ADGRB3: variants seen among roughly 807,000 people sequenced by gnomAD.
ADGRB3 encodes adhesion G protein-coupled receptor B3, also known as brain-specific angiogenesis inhibitor 3.
In ADGRB3, 37 loss-of-function variants were observed where a neutral mutation model predicts 193.4. The ratio of observed to expected loss-of-function variants is 0.19; its 90% CI spans 0.15 to 0.25. ADGRB3 has a LOEUF of 0.25. Ranked by LOEUF, ADGRB3 falls within the 10% of genes least tolerant of loss-of-function variation. The probability of loss-of-function intolerance (pLI) is 1.00; values close to 1 mark genes in which losing one functional copy is unlikely to be tolerated. For missense variants in ADGRB3, 1,637 were observed against 1,852.9 expected (o/e 0.88, Z 2.14); for synonymous variants, 690 against 644.2 (o/e 1.07, Z -1.08).
chr6:68,909,869 C>T (rs58011260), intron 3 of ADGRB3, among the ~76,000 whole-genome samples: 1,553 of 152,194 alleles, frequency 0.01, 26 homozygotes, highest in African/African-American at 0.036. Context: ...AATAAACATA[C>T]GTGTGCATGT....
rs1407243228 is a variant in ADGRB3 at position 68,734,880 on chromosome 6, T to C, written c.757+95448T>C. Among the ~76,000 whole-genome samples, 3 of 152,046 alleles carry C rather than the reference T, an allele frequency of 2.0e-5. No individual in the cohort carries two copies. In the South Asian group the frequency reaches 6.2e-4, roughly 31 times the overall value. On this transcript the variant is annotated intron_variant, in intron 3 of 31. Coordinates refer to ENST00000370598, the MANE Select transcript of ADGRB3 (RefSeq NM_001704.3). Reference sequence around the variant, plus strand: ...AGTAGGAGATCAGTTTGTGAGGTCATCTGAAAGGACCTCCTACTGAAAGAG... The same window carrying C: ...AGTAGGAGATCAGTTTGTGAGGTCACCTGAAAGGACCTCCTACTGAAAGAG...
At position 69,361,955 on chromosome 6, in the gene ADGRB3, A is replaced by G. The variant is rs190094808; in HGVS notation, c.4239+443A>G. On this transcript the variant is annotated intron_variant, in intron 29 of 31. Coordinates refer to ENST00000370598, the MANE Select transcript of ADGRB3 (RefSeq NM_001704.3). ...GATCTGCACTTTCTGTGTAACAGCAACTGTTAAAAATTACAAAATTGGAAT... is the reference window on the plus strand; with the variant it reads ...GATCTGCACTTTCTGTGTAACAGCAGCTGTTAAAAATTACAAAATTGGAAT... Among the ~76,000 whole-genome samples, 703 of 152,090 alleles carry G rather than the reference A, an allele frequency of 4.6e-3. 3 individuals carry two copies. The highest frequency in any genetic ancestry group is 6.3e-3 in the Non-Finnish European group (426 of 67,912).
intron 11 of ADGRB3, among the ~76,000 whole-genome samples, chr6:69,003,748 T>C (rs1313805504): frequency 6.6e-6 from 1 of 152,182 alleles, no homozygotes; most frequent in African/African-American, 2.4e-5. Context: ...GGGTGAAATA[T>C]GAAGCAATAG....
chr6:69,038,447 T>G (rs1418475535), intron 13 of ADGRB3, among the ~76,000 whole-genome samples: 1 of 152,146 alleles, frequency 6.6e-6, no homozygotes, highest in Non-Finnish European at 1.5e-5. Context: ...AATGCTGTTC[T>G]TAGTCTTACT....
intron 15 of ADGRB3, among the ~76,000 whole-genome samples, chr6:69,052,034 GCGCCCACCACCACGC>G (rs1029536261): frequency 4.6e-5 from 7 of 152,122 alleles, no homozygotes; most frequent in African/African-American, 7.2e-5. Context: ...GGGACTTCAG[GCGCCCACCACCACGC>G]CGGGCTAATT....
In ADGRB3 at chr6:69,361,515, G is replaced by A; in HGVS notation, c.4239+3G>A. ...CGATATCAATGAGTTCTTTAGAGGT[G>A]AGCCACAGAAGATTAAATTTTTCCT... is the stretch of plus-strand genomic sequence containing the variant. On this transcript the variant is annotated splice_donor_region_variant and intron_variant, in intron 29 of 31. Transcript: ENST00000370598. 3 of 1,604,690 alleles carry A rather than the reference G, an allele frequency of 1.9e-6. No individual in the cohort carries two copies. The highest frequency in any genetic ancestry group is 2.6e-6 in the Non-Finnish European group (3 of 1,174,514).
At chr6:68,877,052 C>T (rs577332242) in intron 3 of ADGRB3, among the ~76,000 whole-genome samples, 6 of 151,888 alleles carry the variant, frequency 4.0e-5, no homozygotes, top group African/African-American at 1.4e-4. Context: ...AGTTTTATTA[C>T]TAGTATTAGT....
chr6:68,883,300 TCAGCTCTCTGTAAAATGGACCAAC>T (rs1309726239), intron 3 of ADGRB3, among the ~76,000 whole-genome samples: 321 of 152,184 alleles, frequency 2.1e-3, no homozygotes, highest in African/African-American at 7.4e-3. Flanking sequence ...AATGGACCAA[TCAGCTCTCTGTAAAATGGACCAAC>T]CAGCTCTCTG....
intron 15 of ADGRB3, among the ~76,000 whole-genome samples, chr6:69,057,318 G>A (rs182846151): frequency 6.6e-6 from 1 of 152,024 alleles, no homozygotes; most frequent in African/African-American, 2.4e-5. Flanking sequence ...AATCTTTAGG[G>A]TTTACTACAT....
At chr6:68,846,841 G>C (rs1768286369) in intron 3 of ADGRB3, among the ~76,000 whole-genome samples, 1 of 152,210 alleles carries the variant, frequency 6.6e-6, no homozygotes, top group South Asian at 2.1e-4. Flanking sequence ...CTGCCTAGTG[G>C]AGCTGTGAGA....
intron 3 of ADGRB3, among the ~76,000 whole-genome samples, chr6:68,916,642 C>T (rs1562084967): frequency 1.3e-5 from 2 of 152,080 alleles, no homozygotes; most frequent in South Asian, 4.2e-4. Context: ...ATTTGATAGT[C>T]GGGAAGGGTC....
In ADGRB3 at chr6:69,223,663, T is replaced by C. The variant is rs113179889; in HGVS notation, c.2481-9627T>C. Among the ~76,000 whole-genome samples the C allele has an allele frequency of 2.7e-5, 4 of 147,366 alleles. No individual in the cohort carries two copies. The East Asian group carries it at 5.9e-4, about 22-fold the overall frequency. On this transcript the variant is annotated intron_variant, in intron 17 of 31. Transcript: ENST00000370598. Reference sequence around the variant, plus strand: ...ATCTCTCTCTCTCTCTTTTTTTTTTTTTTTTTTTTTTGGCAGAGTCTCACT... The same window carrying C: ...ATCTCTCTCTCTCTCTTTTTTTTTTCTTTTTTTTTTTGGCAGAGTCTCACT...
intron 11 of ADGRB3, among the ~76,000 whole-genome samples, chr6:69,009,999 A>C (rs190685979): frequency 5.9e-5 from 9 of 152,258 alleles, no homozygotes; most frequent in African/African-American, 2.2e-4. Flanking sequence ...AGAATTTTTT[A>C]TTGCTTTCCA....
chr6:68,847,134 G>T (rs1562054356), intron 3 of ADGRB3, among the ~76,000 whole-genome samples: 1 of 152,030 alleles, frequency 6.6e-6, no homozygotes, highest in Non-Finnish European at 1.5e-5. Flanking sequence ...CTTTATTTTG[G>T]CCAATTTCTC....
intron 3 of ADGRB3, among the ~76,000 whole-genome samples, chr6:68,722,369 C>A (rs576513076): frequency 6.6e-6 from 1 of 151,514 alleles, no homozygotes; most frequent in African/African-American, 2.4e-5. Context: ...AGGAGAAATA[C>A]CTAATGTAGA....
At chr6:68,664,877 G>T (rs2127290991) in intron 3 of ADGRB3, among the ~76,000 whole-genome samples, 1 of 151,948 alleles carries the variant, frequency 6.6e-6, no homozygotes, top group East Asian at 1.9e-4. Context: ...CACAAGGAGA[G>T]TGTGGCTGAC....
intron 3 of ADGRB3, among the ~76,000 whole-genome samples, chr6:68,731,078 A>G (rs1045038577): frequency 6.6e-6 from 1 of 151,688 alleles, no homozygotes; most frequent in African/African-American, 2.4e-5. Flanking sequence ...AGGTTTGAGA[A>G]AATATAGGAA....
intron 20 of ADGRB3, among the ~76,000 whole-genome samples, chr6:69,254,010 T>G (rs1276557307): frequency 1.3e-5 from 2 of 152,134 alleles, no homozygotes; most frequent in African/African-American, 4.8e-5. Flanking sequence ...GTCAGAAGCT[T>G]GGTGGCACAC....
At chr6:69,280,562 T>C (rs1238400154) in intron 20 of ADGRB3, among the ~76,000 whole-genome samples, 2 of 152,272 alleles carry the variant, frequency 1.3e-5, no homozygotes, top group South Asian at 2.1e-4. Context: ...TAATAATAAA[T>C]CTACTTCACG....
Sources: gnomAD v4.1 joint callset for allele counts (sites outside exome capture counted in the v4.1 genomes callset) on GRCh38, gnomAD v4.1.1 for gene constraint, MANE v1.5 for transcripts, NCBI Gene and HGNC (gene_info 2026-07-23, HGNC 2026-07-21) for gene names.